The following SMPX variants were observed in gnomAD, a reference collection of about 807,000 sequenced individuals.
The protein encoded by SMPX is small muscular protein.
SMPX carries 2 observed loss-of-function variants against 6.3 expected under a neutral mutation model. That is an observed-to-expected ratio of 0.32 (90% CI 0.13 to 0.99). The LOEUF (loss-of-function observed/expected upper bound fraction) is 0.99. Among genes scored for constraint, SMPX ranks in the 50% least tolerant of loss-of-function variants. The probability of loss-of-function intolerance (pLI) is 0.49; values close to 1 mark genes in which losing one functional copy is unlikely to be tolerated. For missense variants in SMPX, 60 were observed against 66.8 expected, an observed-to-expected ratio of 0.90 and a Z score of 0.36; for synonymous variants, 32 against 24.7, an observed-to-expected ratio of 1.30 and a Z score of -0.88.
At chrX:21,731,570 A>ATATATACACAT (rs1165727134) in intron 4 of SMPX, among the ~76,000 whole-genome samples, 3 of 40,126 alleles carry the variant, frequency 7.5e-5, no homozygotes, top group African/African-American at 7.0e-5. Flanking sequence ...CATTATGTGT[A>ATATATACACAT]TATGTGTATA....
intron 4 of SMPX, among the ~76,000 whole-genome samples, chrX:21,730,555 G>T (rs1184753852): frequency 3.6e-5 from 4 of 112,000 alleles, no homozygotes; most frequent in Non-Finnish European, 7.5e-5. Context: ...ATTGAGAGAG[G>T]TGCCATTTTC....
At chrX:21,723,013 A>G (rs1039516340) in intron 4 of SMPX, among the ~76,000 whole-genome samples, 1 of 111,826 alleles carries the variant, frequency 8.9e-6, no homozygotes, top group Non-Finnish European at 1.9e-5. Flanking sequence ...CAAGCTTCTC[A>G]CTGTACTTTT....
chrX:21,728,451 G>A (rs185453679), intron 4 of SMPX, among the ~76,000 whole-genome samples: 1 of 111,482 alleles, frequency 9.0e-6, no homozygotes, highest in East Asian at 2.8e-4. Flanking sequence ...CATCTTTTGT[G>A]TTTAGTAAAT....
chrX:21,706,064 T>A lies in SMPX; in HGVS notation c.*345A>T, dbSNP rs750510536. 1 of 509,707 alleles carries A rather than the reference T, an allele frequency of 2.0e-6. No homozygotes were observed. Among genetic ancestry groups the A allele is most frequent in the South Asian group, 2.5e-5 (1 of 39,818 alleles). The allele number at this position is 509,707 out of a possible 1,213,427, so 42.0% of individuals were successfully genotyped here. On this transcript the variant is annotated 3_prime_UTR_variant, in exon 5 of 5. Transcript: ENST00000379494. The stretch of plus-strand genomic sequence containing the variant: ...GTGAAGAACTAAAACGCATTCCAAA[T>A]ATTGACCAAAATACTGTAGGAAGTA...
chrX:21,735,367 A>C (rs2092809398), intron 4 of SMPX, among the ~76,000 whole-genome samples: 1 of 112,593 alleles, frequency 8.9e-6, no homozygotes, highest in Non-Finnish European at 1.9e-5. Flanking sequence ...TTAGATTTTC[A>C]CATTACTGTA....
intron 4 of SMPX, among the ~76,000 whole-genome samples, chrX:21,725,949 A>T (rs1026858988): frequency 1.8e-5 from 2 of 112,022 alleles, no homozygotes; most frequent in African/African-American, 6.5e-5. Context: ...CAAGGGGCAG[A>T]GGGCAGAAGG....
chrX:21,731,552 T>TACACATTATGTGTGTATGTGTAC (rs1569306584), intron 4 of SMPX, among the ~76,000 whole-genome samples: 10 of 45,849 alleles, frequency 2.2e-4, no homozygotes, highest in Non-Finnish European at 3.7e-4. Context: ...TGTATGTGTA[T>TACACATTATGTGTGTATGTGTAC]ATATACACAT....
intron 2 of SMPX, among the ~76,000 whole-genome samples, chrX:21,752,239 G>T (rs1459546478): frequency 9.0e-6 from 1 of 111,141 alleles, no homozygotes; most frequent in Non-Finnish European, 1.9e-5. Context: ...TTTCAGTGTA[G>T]ATTTGAGGGA....
At chrX:21,741,358 A>G (rs1451620127) in intron 3 of SMPX, among the ~76,000 whole-genome samples, 1 of 112,346 alleles carries the variant, frequency 8.9e-6, no homozygotes, top group Non-Finnish European at 1.9e-5. Context: ...TTAAGTCTAC[A>G]AAATTAAGCA....
At chrX:21,748,755 C>T (rs1401724840) in intron 2 of SMPX, among the ~76,000 whole-genome samples, 1 of 112,220 alleles carries the variant, frequency 8.9e-6, no homozygotes, top group Non-Finnish European at 1.9e-5. Context: ...CTTGCATCTA[C>T]ATTAAAACAA....
rs139087063 is a variant in SMPX at position 21,741,813 on chromosome X, G to A, written c.132+1937C>T. ...AGACAAAAAACAGAAACATCCCTGG[G>A]GTCTTTGTGTCTTTGTGGATACATC... On this transcript the variant is annotated intron_variant, in intron 3 of 4. Coordinates refer to ENST00000379494, the MANE Select transcript of SMPX (RefSeq NM_014332.3). Among the ~76,000 whole-genome samples, 61 of 111,878 alleles carry A rather than the reference G, an allele frequency of 5.5e-4. 1 individual carries two copies. In the East Asian group the frequency reaches 0.016, roughly 30 times the overall value.
intron 2 of SMPX, among the ~76,000 whole-genome samples, chrX:21,746,405 C>T (rs929808503): frequency 1.8e-5 from 2 of 111,446 alleles, no homozygotes; most frequent in African/African-American, 3.3e-5. Flanking sequence ...CTCTCAAACC[C>T]GTCTCTAAAG....
intron 4 of SMPX, among the ~76,000 whole-genome samples, chrX:21,736,366 G>T (rs928688436): frequency 8.9e-6 from 1 of 111,801 alleles, no homozygotes; most frequent in African/African-American, 3.3e-5. Context: ...CATCTGTAAG[G>T]TGTGGTGGGA....
At chrX:21,748,046 C>A (rs1401097451) in intron 2 of SMPX, among the ~76,000 whole-genome samples, 1 of 112,163 alleles carries the variant, frequency 8.9e-6, no homozygotes, top group Non-Finnish European at 1.9e-5. Flanking sequence ...AGCATCTTTA[C>A]AGAAGACTTC....
intron 3 of SMPX, among the ~76,000 whole-genome samples, chrX:21,743,194 G>T (rs752151718): frequency 2.7e-5 from 3 of 111,457 alleles, no homozygotes; most frequent in Non-Finnish European, 3.8e-5. Context: ...CCTTTTCAAA[G>T]GAAACATTTA....
chrX:21,740,178 AC>A (rs1184029661), intron 3 of SMPX, among the ~76,000 whole-genome samples: 3 of 112,282 alleles, frequency 2.7e-5, no homozygotes, highest in Non-Finnish European at 5.6e-5. Context: ...TCTTTTAAAA[AC>A]ATAACAGGAA....
intron 4 of SMPX, among the ~76,000 whole-genome samples, chrX:21,715,154 A>G (rs1050823138): frequency 9.0e-6 from 1 of 111,677 alleles, no homozygotes; most frequent in African/African-American, 3.3e-5. Context: ...TTATAATGTT[A>G]AAAGAGATAA....
At chrX:21,728,382 C>T (rs1454565635) in intron 4 of SMPX, among the ~76,000 whole-genome samples, 2 of 110,881 alleles carry the variant, frequency 1.8e-5, no homozygotes, top group African/African-American at 6.6e-5. Context: ...AACCGTGAAC[C>T]AGGGTAGATG....
At chrX:21,735,460 G>A (rs1028190410) in intron 4 of SMPX, among the ~76,000 whole-genome samples, 4 of 111,838 alleles carry the variant, frequency 3.6e-5, no homozygotes, top group Non-Finnish European at 7.5e-5. Flanking sequence ...TCTTCTCTGA[G>A]AAAATAAAGT....
Sources: gnomAD v4.1 joint callset for allele counts (sites outside exome capture counted in the v4.1 genomes callset) on GRCh38, gnomAD v4.1.1 for gene constraint, MANE v1.5 for transcripts, NCBI Gene and HGNC (gene_info 2026-07-23, HGNC 2026-07-21) for gene names.